The following SYNPO2 variants were observed in gnomAD, a reference collection of about 807,000 sequenced individuals.
SYNPO2 encodes synaptopodin-2.
Under a neutral mutation model 85.0 loss-of-function variants are expected in SYNPO2, and 56 were observed. That is an observed-to-expected ratio of 0.66 (90% CI 0.53 to 0.82). SYNPO2 has a LOEUF of 0.82. SYNPO2 is among the 40% of genes least tolerant of loss of function. The pLI, the probability that SYNPO2 is intolerant of heterozygous loss-of-function variation, is 0.00. For synonymous variants in SYNPO2, 602 were observed against 591.1 expected (o/e 1.02, Z -0.27); for missense variants, 1,575 against 1,534.2 (o/e 1.03, Z -0.44).
intron 1 of SYNPO2, among the ~76,000 whole-genome samples, chr4:119,020,160 A>T (rs945787638): frequency 2.6e-5 from 4 of 152,164 alleles, no homozygotes; most frequent in African/African-American, 9.7e-5. Context: ...GTTCTATAAA[A>T]AATGGAGAAA....
intron 1 of SYNPO2, among the ~76,000 whole-genome samples, chr4:118,942,950 T>C (rs143476866): frequency 0.027 from 3,933 of 145,016 alleles, 80 homozygotes; most frequent in South Asian, 0.047. Context: ...CTACTAAAGA[T>C]ACAAAAATTA....
intron 1 of SYNPO2, among the ~76,000 whole-genome samples, chr4:118,998,853 ACTCC>A (rs1736718224): frequency 7.0e-6 from 1 of 142,908 alleles, no homozygotes; most frequent in South Asian, 2.4e-4. Context: ...CCTCCTCCCC[ACTCC>A]CTCCCTCCCT....
At chr4:118,894,227 C>T (rs1227301886) in intron 1 of SYNPO2, among the ~76,000 whole-genome samples, 1 of 151,948 alleles carries the variant, frequency 6.6e-6, no homozygotes, top group Non-Finnish European at 1.5e-5. Flanking sequence ...TCCGCCCTTC[C>T]CCACTGCCTC....
At chr4:118,988,056 A>G (rs539317524) in intron 1 of SYNPO2, among the ~76,000 whole-genome samples, 2 of 152,344 alleles carry the variant, frequency 1.3e-5, no homozygotes, top group East Asian at 1.9e-4. Flanking sequence ...TTCAAACATA[A>G]CAACATGTTT....
At chr4:119,010,733 C>G (rs1281163306) in intron 1 of SYNPO2, among the ~76,000 whole-genome samples, 1 of 152,198 alleles carries the variant, frequency 6.6e-6, no homozygotes, top group Non-Finnish European at 1.5e-5. Flanking sequence ...ATGAGACTCT[C>G]TAGGGCATTA....
At chr4:118,957,614 T>C (rs1484850027) in intron 1 of SYNPO2, among the ~76,000 whole-genome samples, 1 of 152,092 alleles carries the variant, frequency 6.6e-6, no homozygotes, top group Non-Finnish European at 1.5e-5. Context: ...GTTTTAGGAG[T>C]TGAAAGAATG....
At chr4:118,985,288 C>G (rs1022031110) in intron 1 of SYNPO2, among the ~76,000 whole-genome samples, 1 of 152,190 alleles carries the variant, frequency 6.6e-6, no homozygotes, top group Non-Finnish European at 1.5e-5. Context: ...CAGCCCTGCT[C>G]CTCAGCTGGG....
chr4:118,888,864 G>C lies in SYNPO2; in HGVS notation c.-173G>C. ...ATGAGCCCATTAGCCGCACAAATTC[G>C]CAGCAGGCGGCTGGGGCGGCGGCTG... On this transcript the variant is annotated 5_prime_UTR_variant, in exon 1 of 5. Coordinates refer to ENST00000307142, the MANE Select transcript of SYNPO2 (RefSeq NM_133477.3). 1 of 651,864 alleles carries C rather than the reference G, an allele frequency of 1.5e-6. No homozygotes were observed. Among genetic ancestry groups the C allele is most frequent in the Non-Finnish European group, 2.7e-6 (1 of 374,582 alleles). The allele number at this position is 651,864 out of a possible 1,614,324, so 40.4% of individuals were successfully genotyped here.
intron 1 of SYNPO2, among the ~76,000 whole-genome samples, chr4:118,880,222 G>A (rs1307005238): frequency 1.3e-5 from 2 of 152,156 alleles, no homozygotes; most frequent in African/African-American, 4.8e-5. Context: ...AAATTATTCT[G>A]TCTGGTCATT....
At chr4:118,924,271 T>C (rs1733639757) in intron 1 of SYNPO2, among the ~76,000 whole-genome samples, 3 of 152,194 alleles carry the variant, frequency 2.0e-5, no homozygotes, top group Admixed American at 6.5e-5. Flanking sequence ...CCATTTTTCC[T>C]GAACGTGGGA....
intron 1 of SYNPO2, among the ~76,000 whole-genome samples, chr4:118,902,803 C>G (rs1355524830): frequency 6.6e-6 from 1 of 152,086 alleles, no homozygotes; most frequent in Non-Finnish European, 1.5e-5. Flanking sequence ...TAGATCTGTA[C>G]TAGATCACTT....
intron 1 of SYNPO2, among the ~76,000 whole-genome samples, chr4:118,866,347 T>C (rs1312402585): frequency 1.3e-5 from 2 of 152,122 alleles, no homozygotes; most frequent in Non-Finnish European, 2.9e-5. Context: ...TTGTCAGATG[T>C]GCTGTGGAGG....
At chr4:118,900,466 T>A (rs79709550) in intron 1 of SYNPO2, among the ~76,000 whole-genome samples, 2,331 of 152,132 alleles carry the variant, frequency 0.015, 28 homozygotes, top group Non-Finnish European at 0.021. Context: ...ATATAAAAAC[T>A]TTTCCTAGTC....
chr4:119,054,426 G>C (rs914681489), intron 4 of SYNPO2, among the ~76,000 whole-genome samples: 6 of 152,158 alleles, frequency 3.9e-5, no homozygotes, highest in Non-Finnish European at 8.8e-5. Context: ...GGAAGAATGA[G>C]GTCACACAGA....
Position 119,058,283 on chromosome 4 carries a change from G to C in SYNPO2, c.*349G>C. ...ATGCAACAAACTCTACTCAATTAAA[G>C]TAAAACTAAGTATTTCTTCATTGTA... On this transcript the variant is annotated 3_prime_UTR_variant, in exon 5 of 5. Coordinates refer to ENST00000307142, the MANE Select transcript of SYNPO2 (RefSeq NM_133477.3). 1 of 170,296 alleles carries C rather than the reference G, an allele frequency of 5.9e-6. No individual in the cohort carries two copies. Among genetic ancestry groups the C allele is most frequent in the Non-Finnish European group, 1.3e-5 (1 of 79,566 alleles). The allele number at this position is 170,296 out of a possible 1,614,324, so 10.5% of individuals were successfully genotyped here.
chr4:118,879,327 T>A (rs150796017), intron 1 of SYNPO2, among the ~76,000 whole-genome samples: 3 of 152,190 alleles, frequency 2.0e-5, no homozygotes, highest in Admixed American at 1.3e-4. Context: ...TTCCCTAGGC[T>A]CTGGGGAACT....
At chr4:119,041,816 G>T (rs1180201286) in intron 4 of SYNPO2, among the ~76,000 whole-genome samples, 6 of 152,068 alleles carry the variant, frequency 3.9e-5, no homozygotes, top group Admixed American at 2.0e-4. Context: ...GTAAAATTAA[G>T]ATTTCCCCAC....
upstream of SYNPO2, among the ~76,000 whole-genome samples, chr4:118,885,360 A>C (rs1409114140): frequency 6.6e-6 from 1 of 152,142 alleles, no homozygotes; most frequent in East Asian, 1.9e-4. Flanking sequence ...GAATAGAGAC[A>C]ACAGTTAGGA....
chr4:118,878,429 C>T (rs1397810145), intron 1 of SYNPO2, among the ~76,000 whole-genome samples: 2 of 152,162 alleles, frequency 1.3e-5, no homozygotes, highest in African/African-American at 4.8e-5. Context: ...TTTACTTCAA[C>T]CCTAGTTCTC....
Sources: gnomAD v4.1 joint callset for allele counts (sites outside exome capture counted in the v4.1 genomes callset) on GRCh38, gnomAD v4.1.1 for gene constraint, MANE v1.5 for transcripts, NCBI Gene and HGNC (gene_info 2026-07-23, HGNC 2026-07-21) for gene names.